Variants in MTFR1 observed in about 807,000 individuals in gnomAD.
The protein encoded by MTFR1 is mitochondrial fission regulator 1.
MTFR1 carries 28 observed loss-of-function variants against 38.8 expected under a neutral mutation model. The ratio of observed to expected loss-of-function variants is 0.72; its 90% confidence interval spans 0.53 to 0.99. The LOEUF (loss-of-function observed/expected upper bound fraction) is 0.99. MTFR1 is among the 50% of genes least tolerant of loss of function. The pLI, the probability that MTFR1 is intolerant of heterozygous loss-of-function variation, is 0.00. For missense variants in MTFR1, 358 were observed against 395.5 expected (o/e 0.91, Z 0.81); for synonymous variants, 145 against 137.0 (o/e 1.06, Z -0.41).
chr8:65,668,503 CTTT>C (rs907385912), intron 1 of MTFR1, among the ~76,000 whole-genome samples: 3 of 141,656 alleles, frequency 2.1e-5, no homozygotes, highest in African/African-American at 7.7e-5. Context: ...GGAAGATTTT[CTTT>C]TTTTTGTTTT....
At chr8:65,765,446 G>A (rs1362703427) in intron 3 of MTFR1, 1 of 111,774 alleles carries the variant, frequency 8.9e-6, no homozygotes, top group African/African-American at 3.5e-5. Context: ...CCGAGATCCC[G>A]CCACTGCACT....
At chr8:65,700,446 CATG>C (rs1463469414) in intron 4 of MTFR1, among the ~76,000 whole-genome samples, 1 of 150,636 alleles carries the variant, frequency 6.6e-6, no homozygotes, top group African/African-American at 2.4e-5. Context: ...TTTTCAATAA[CATG>C]AGAAAACTGT....
chr8:65,722,482 G>A (rs1806426129), intron 3 of MTFR1: 1 of 152,168 alleles, frequency 6.6e-6, no homozygotes, highest in South Asian at 2.1e-4. Flanking sequence ...TCATCTTTCT[G>A]AACTTTGGGC....
Position 65,709,071 on chromosome 8 carries a change from T to A in MTFR1, c.*27T>A, listed in dbSNP as rs1805868361. 1 of 1,609,366 alleles carries A rather than the reference T, an allele frequency of 6.2e-7. No individual in the cohort carries two copies. Among genetic ancestry groups the A allele is most frequent in the East Asian group, 2.2e-5 (1 of 44,848 alleles). On this transcript the variant is annotated 3_prime_UTR_variant, in exon 8 of 8. Transcript: ENST00000262146. ...AGACAATGAGCTGCGAAAAGACTCCTGGTTCCCCTGTTGATTTGTGAGGGC... is the reference window on the plus strand; with the variant it reads ...AGACAATGAGCTGCGAAAAGACTCCAGGTTCCCCTGTTGATTTGTGAGGGC...
chr8:65,702,809 C>A (rs1320636602), intron 4 of MTFR1, among the ~76,000 whole-genome samples: 1 of 147,222 alleles, frequency 6.8e-6, no homozygotes, highest in African/African-American at 2.5e-5. Flanking sequence ...ACTTAGGGTT[C>A]TTTGATATGG....
intron 3 of MTFR1, among the ~76,000 whole-genome samples, chr8:65,768,423 T>G (rs1282232670): frequency 6.6e-6 from 1 of 152,112 alleles, no homozygotes; most frequent in African/African-American, 2.4e-5. Context: ...TCTCAGGAGA[T>G]CTCATGGTTT....
At chr8:65,729,056 G>C (rs1354136216) in intron 3 of MTFR1, among the ~76,000 whole-genome samples, 2 of 151,774 alleles carry the variant, frequency 1.3e-5, no homozygotes, top group East Asian at 1.9e-4. Flanking sequence ...ACAAAGACAA[G>C]GACTTCAATA....
At chr8:65,762,753 T>G (rs1808571334) in intron 3 of MTFR1, among the ~76,000 whole-genome samples, 2 of 152,208 alleles carry the variant, frequency 1.3e-5, no homozygotes, top group Non-Finnish European at 2.9e-5. Context: ...TTCATGACAG[T>G]ATAACTTCAT....
intron 3 of MTFR1, among the ~76,000 whole-genome samples, chr8:65,743,386 C>G (rs376103096): frequency 6.6e-6 from 1 of 152,144 alleles, no homozygotes; most frequent in East Asian, 1.9e-4. Flanking sequence ...GGGAGAAGAA[C>G]AGAACACTTA....
rs769069498 is a variant in MTFR1, at chr8:65,719,472, G to C, written c.*39G>C. On this transcript the variant is annotated 3_prime_UTR_variant, in exon 3 of 4. Transcript: ENST00000521247. ...AACCTGGCCCATTCTGTAAATAAAG[G>C]CTCCACTAGGTAAGTCATAAAACCT... The C allele has an allele frequency of 3.1e-6, 5 of 1,612,910 alleles. No individual in the cohort carries two copies. The highest frequency in any genetic ancestry group is 4.2e-6 in the Non-Finnish European group (5 of 1,179,030).
At chr8:65,774,008 A>C (rs1209439595), downstream of MTFR1, among the ~76,000 whole-genome samples, 2 of 152,172 alleles carry the variant, frequency 1.3e-5, no homozygotes, top group Non-Finnish European at 2.9e-5. Context: ...TATTTATTGC[A>C]ATACCAAAAC....
In MTFR1 at chr8:65,760,646, T is replaced by C. The variant is rs188371373; in HGVS notation, c.*49-10301T>C. 2.6e-5 allele frequency among the ~76,000 whole-genome samples: 4 copies of C among 152,296 alleles called. No homozygotes were observed. In the East Asian group the frequency reaches 7.7e-4, roughly 29 times the overall value. On this transcript the variant is annotated intron_variant, in intron 3 of 3. Coordinates refer to the MTFR1 transcript ENST00000521247. Reference sequence around the variant, plus strand: ...CAAGGATAAAACATGATGAGATCACTTTAAGACTGTTGGAAATTTTTAGTT... The same window carrying C: ...CAAGGATAAAACATGATGAGATCACCTTAAGACTGTTGGAAATTTTTAGTT...
intron 1 of MTFR1, among the ~76,000 whole-genome samples, chr8:65,665,920 C>T (rs1199476174): frequency 7.2e-5 from 11 of 152,104 alleles, no homozygotes; most frequent in Admixed American, 4.6e-4. Flanking sequence ...GCATTAATCT[C>T]TATTAATTCT....
At chr8:65,711,436 G>T (rs138305374), downstream of MTFR1, among the ~76,000 whole-genome samples, 1 of 152,322 alleles carries the variant, frequency 6.6e-6, no homozygotes, top group African/African-American at 2.4e-5. Context: ...CTGTGGGATA[G>T]AATCTGGCAG....
At chr8:65,652,761 G>C (rs1226145760) in intron 1 of MTFR1, among the ~76,000 whole-genome samples, 3 of 152,206 alleles carry the variant, frequency 2.0e-5, no homozygotes, top group African/African-American at 7.2e-5. Flanking sequence ...TTTTTTGGTA[G>C]AGTCTTTAGG....
rs1351848264 is a variant in MTFR1, at chr8:65,736,863, T to G, written c.*48+17382T>G. Among the ~76,000 whole-genome samples the G allele has an allele frequency of 2.0e-5, 3 of 149,618 alleles. No individual in the cohort carries two copies. In the East Asian group the frequency reaches 6.1e-4, roughly 30 times the overall value. ...GAGTTAATATTTCTAGCTCTTCATT[T>G]GGCTGTACATTCTTGGTATTGAGGC... On this transcript the variant is annotated intron_variant, in intron 3 of 3. Transcript: ENST00000521247.
downstream of MTFR1, among the ~76,000 whole-genome samples, chr8:65,774,100 CT>C: frequency 6.6e-6 from 1 of 152,150 alleles, no homozygotes. Context: ...TTTCTTTCCC[CT>C]CCCATCTCCT....
At chr8:65,644,654 T>A (rs1373770377), upstream of MTFR1, 4 of 152,238 alleles carry the variant, frequency 2.6e-5, no homozygotes, top group Non-Finnish European at 5.9e-5. Context: ...CCTCCGAGCC[T>A]GAGGAAACAG....
At chr8:65,713,627 T>C (rs1182905537), downstream of MTFR1, among the ~76,000 whole-genome samples, 1 of 152,198 alleles carries the variant, frequency 6.6e-6, no homozygotes, top group African/African-American at 2.4e-5. Flanking sequence ...AAGTAGCATA[T>C]TGAACATTTA....
Sources: allele counts gnomAD v4.1 joint callset (sites outside exome capture counted in the v4.1 genomes callset), GRCh38; gene constraint gnomAD v4.1.1; transcripts MANE v1.5; gene names NCBI Gene and HGNC (gene_info 2026-07-23, HGNC 2026-07-21).